LPCAT2: variants seen among roughly 807,000 people sequenced by gnomAD.
The protein encoded by LPCAT2 is lysophosphatidylcholine acyltransferase 2, also known as 1-AGP acyltransferase 11.
LPCAT2 carries 58 observed loss-of-function variants against 64.7 expected under a neutral mutation model. The ratio of observed to expected loss-of-function variants is 0.90; its 90% CI spans 0.73 to 1.12. The LOEUF is 1.12. Among genes scored for constraint, LPCAT2 ranks in the 50% most tolerant of loss-of-function variants. LPCAT2 has a pLI of 0.00. For synonymous variants in LPCAT2, 252 were observed against 245.3 expected (o/e 1.03, Z -0.26); for missense variants, 579 against 669.8 (o/e 0.86, Z 1.50).
At chr16:55,531,355 A>G (rs1022546416) in intron 4 of LPCAT2, among the ~76,000 whole-genome samples, 1 of 152,186 alleles carries the variant, frequency 6.6e-6, no homozygotes, top group Non-Finnish European at 1.5e-5. Flanking sequence ...CTTTGAAAAC[A>G]TGAAGAAGTA....
intron 8 of LPCAT2, chr16:55,538,284 G>A (rs1259298574): frequency 6.6e-6 from 1 of 152,156 alleles, no homozygotes; most frequent in Non-Finnish European, 1.5e-5. Flanking sequence ...CATCCAGTCG[G>A]TTTTAGCAGT....
chr16:55,538,683 A>G (rs76372094), intron 8 of LPCAT2: 1 of 113,734 alleles, frequency 8.8e-6, no homozygotes, highest in East Asian at 2.8e-4. Flanking sequence ...TGTGGCCAAA[A>G]AAAAAAAAAA....
At chr16:55,577,254 C>T (rs562619935) in intron 12 of LPCAT2, among the ~76,000 whole-genome samples, 1 of 152,304 alleles carries the variant, frequency 6.6e-6, no homozygotes, top group South Asian at 2.1e-4. Flanking sequence ...CTTTTTTATC[C>T]TCCTACCCTT....
chr16:55,543,084 C>A (rs1229473360), intron 8 of LPCAT2, among the ~76,000 whole-genome samples: 4 of 152,060 alleles, frequency 2.6e-5, no homozygotes, highest in African/African-American at 7.2e-5. Flanking sequence ...AATGACTGTA[C>A]AAAATGGAAA....
At chr16:55,571,679 G>A (rs548429133) in intron 11 of LPCAT2, among the ~76,000 whole-genome samples, 7 of 152,094 alleles carry the variant, frequency 4.6e-5, no homozygotes, top group Admixed American at 3.9e-4. Flanking sequence ...AGGTTTTAAA[G>A]AAAAGAACCA....
chr16:55,545,904 G>A (rs9932991), intron 9 of LPCAT2, 87 bp downstream of exon 9: 65,439 of 940,690 alleles, frequency 0.07, 3,112 homozygotes, highest in African/African-American at 0.18. Flanking sequence ...ATTTTTTTTT[G>A]ACCCCTGAAG....
chr16:55,573,661 T>C (rs547010239), intron 11 of LPCAT2, among the ~76,000 whole-genome samples: 1 of 152,284 alleles, frequency 6.6e-6, no homozygotes, highest in South Asian at 2.1e-4. Context: ...CCTGGTATTA[T>C]AATCAAGTAC....
chr16:55,510,376 C>G (rs1423227786), intron 1 of LPCAT2, among the ~76,000 whole-genome samples: 1 of 142,162 alleles, frequency 7.0e-6, no homozygotes. Flanking sequence ...CTTTGGACTT[C>G]CTCTTTGTTG....
At position 55,509,247 on chromosome 16, in the gene LPCAT2, G is replaced by A; in HGVS notation, c.66G>A (p.Val22=). The A allele has an allele frequency of 6.7e-7, 1 of 1,489,870 alleles. No individual in the cohort carries two copies. Among genetic ancestry groups the A allele is most frequent in the Non-Finnish European group, 9.0e-7 (1 of 1,113,068 alleles). 92.3% of individuals were successfully genotyped at this position (1,489,870 alleles called of 1,614,324 possible). A position where few individuals can be genotyped will look rare whatever the true frequency, so the allele number is the denominator to read the frequency against. Reference sequence around the variant, plus strand: ...TGCCAGGTGCCGGCGTCGGGAACGTGGGGCTGCGGCCGCCCATGGTGCCCC... The same window carrying A: ...TGCCAGGTGCCGGCGTCGGGAACGTAGGGCTGCGGCCGCCCATGGTGCCCC... The part of the protein sequence containing the change: ...ATVPGAGVGN[V]GLRPPMVPRQ... The change falls in exon 1 of 14, where the codon GTG becomes GTA. Residue 22 remains valine (V), a synonymous_variant. Coordinates refer to ENST00000262134, the MANE Select transcript of LPCAT2 (RefSeq NM_017839.5).
At chr16:55,513,453 A>T (rs1567388762) in intron 1 of LPCAT2, among the ~76,000 whole-genome samples, 2 of 151,964 alleles carry the variant, frequency 1.3e-5, no homozygotes, top group Non-Finnish European at 1.5e-5. Context: ...CTGAGATGAG[A>T]CATCAGCAAA....
intron 1 of LPCAT2, among the ~76,000 whole-genome samples, chr16:55,516,328 C>A (rs1159692783): frequency 6.6e-6 from 1 of 152,190 alleles, no homozygotes; most frequent in Non-Finnish European, 1.5e-5. Context: ...TGGTCTCAAA[C>A]TCCTGGGCTC....
In LPCAT2 at chr16:55,520,284, CAG is replaced by C. The variant is rs1400946806; in HGVS notation, c.172-5222_172-5221del. On this transcript the variant is annotated intron_variant, in intron 1 of 13. Coordinates refer to ENST00000262134, the MANE Select transcript of LPCAT2 (RefSeq NM_017839.5). ...TAGACTTCAAGACATGTCATGATATCAGATATAAAGAGGAACATTTCTTTAAA... is the reference window on the plus strand; with the variant it reads ...TAGACTTCAAGACATGTCATGATATCATATAAAGAGGAACATTTCTTTAAA... Among the ~76,000 whole-genome samples, 5 of 152,024 alleles carry C rather than the reference CAG, an allele frequency of 3.3e-5. No homozygotes were observed. The East Asian group carries it at 9.6e-4, about 29-fold the overall frequency.
chr16:55,511,416 C>T (rs1476848118), intron 1 of LPCAT2, among the ~76,000 whole-genome samples: 1 of 152,180 alleles, frequency 6.6e-6, no homozygotes, highest in Non-Finnish European at 1.5e-5. Context: ...AAGGTGGACA[C>T]ACTTTCATTT....
At chr16:55,534,905 GAT>G (rs1963305104) in intron 7 of LPCAT2, among the ~76,000 whole-genome samples, 2 of 152,272 alleles carry the variant, frequency 1.3e-5, no homozygotes, top group Admixed American at 6.5e-5. Context: ...TGATGTGTCT[GAT>G]ATGAGTTGAA....
intron 10 of LPCAT2, among the ~76,000 whole-genome samples, chr16:55,549,647 C>T (rs1041422432): frequency 2.6e-5 from 4 of 152,174 alleles, no homozygotes; most frequent in South Asian, 2.1e-4. Context: ...TGTGGATCCA[C>T]ACAGATCTGC....
chr16:55,532,128 C>G (rs1429275791), intron 5 of LPCAT2, 154 bp downstream of exon 5: 1 of 591,452 alleles, frequency 1.7e-6, no homozygotes, highest in East Asian at 2.9e-5. Context: ...ACAGAACTTA[C>G]TGCTTTGCTT....
intron 8 of LPCAT2, chr16:55,538,674 G>T (rs1596864337): frequency 1.2e-5 from 1 of 85,552 alleles, no homozygotes; most frequent in South Asian, 4.7e-4. Context: ...ATCTCTCACT[G>T]TGGCCAAAAA....
chr16:55,546,346 A>G (rs1383404473), intron 9 of LPCAT2, among the ~76,000 whole-genome samples: 11 of 152,200 alleles, frequency 7.2e-5, no homozygotes, highest in African/African-American at 2.4e-4. Flanking sequence ...TATTCTGACT[A>G]GATAAATCAC....
At chr16:55,545,524 A>C (rs10521319) in intron 8 of LPCAT2, 28,881 of 398,670 alleles carry the variant, frequency 0.072, 1,575 homozygotes, top group African/African-American at 0.17. Context: ...ATGGTTCATC[A>C]AAGTTAAATG....
Sources: allele counts gnomAD v4.1 joint callset (sites outside exome capture counted in the v4.1 genomes callset), GRCh38; gene constraint gnomAD v4.1.1; transcripts MANE v1.5; gene names NCBI Gene and HGNC (gene_info 2026-07-23, HGNC 2026-07-21).